The following KCTD16 variants were observed in gnomAD, a reference collection of about 807,000 sequenced individuals.
KCTD16 encodes the protein BTB/POZ domain-containing protein KCTD16.
A neutral mutation model predicts 33.2 loss-of-function variants in KCTD16; 13 were observed. That is an observed-to-expected ratio of 0.39 (90% CI 0.25 to 0.62). The LOEUF (loss-of-function observed/expected upper bound fraction) is 0.62, where lower values mean the gene tolerates loss of function less well. Ranked by LOEUF, KCTD16 falls within the 20% of genes least tolerant of loss-of-function variation. The pLI, the probability that KCTD16 is intolerant of heterozygous loss-of-function variation, is 0.50. For synonymous variants in KCTD16, 197 were observed against 195.3 expected, an observed-to-expected ratio of 1.01 and a Z score of -0.07; for missense variants, 441 against 525.1, an observed-to-expected ratio of 0.84 and a Z score of 1.57.
chr5:144,419,941 A>G (rs978665515), intron 3 of KCTD16, among the ~76,000 whole-genome samples: 1 of 152,176 alleles, frequency 6.6e-6, no homozygotes, highest in African/African-American at 2.4e-5. Context: ...AGCTCTCGGT[A>G]AGAAGTAACC....
chr5:144,254,198 C>T (rs865824810), intron 3 of KCTD16, among the ~76,000 whole-genome samples: 4 of 151,720 alleles, frequency 2.6e-5, no homozygotes, highest in Admixed American at 6.6e-5. Flanking sequence ...CGTGCAGTGG[C>T]GCGATCTCCG....
chr5:144,354,096 C>CAATTTCTA (rs1751514152), intron 3 of KCTD16, among the ~76,000 whole-genome samples: 1 of 151,934 alleles, frequency 6.6e-6, no homozygotes, highest in South Asian at 2.1e-4. Context: ...AATGATCTGC[C>CAATTTCTA]TGCTTAGAAA....
chr5:144,415,980 G>GT (rs1318168764), intron 3 of KCTD16, among the ~76,000 whole-genome samples: 23 of 152,164 alleles, frequency 1.5e-4, no homozygotes, highest in Admixed American at 6.5e-5. Context: ...TGATTACACA[G>GT]ATAATCTTAC....
At chr5:144,290,894 G>C (rs1755878595) in intron 3 of KCTD16, among the ~76,000 whole-genome samples, 1 of 152,094 alleles carries the variant, frequency 6.6e-6, no homozygotes, top group Non-Finnish European at 1.5e-5. Flanking sequence ...TAGTTATACA[G>C]AATTATAAGG....
chr5:144,261,570 G>C (rs1024387827), intron 3 of KCTD16, among the ~76,000 whole-genome samples: 1 of 152,186 alleles, frequency 6.6e-6, no homozygotes, highest in Non-Finnish European at 1.5e-5. Flanking sequence ...TCTCCATAGA[G>C]ATGGTTCAAT....
At chr5:144,448,610 C>T (rs1302510132) in intron 3 of KCTD16, among the ~76,000 whole-genome samples, 1 of 152,048 alleles carries the variant, frequency 6.6e-6, no homozygotes, top group Admixed American at 6.6e-5. Context: ...GGATTCTTAT[C>T]AGCAGTTGCA....
chr5:144,419,270 A>G (rs1212618362), intron 3 of KCTD16, among the ~76,000 whole-genome samples: 1 of 152,152 alleles, frequency 6.6e-6, no homozygotes, highest in Non-Finnish European at 1.5e-5. Flanking sequence ...AAAGGTTTAC[A>G]GTGGGCTTTG....
chr5:144,266,032 T>G (rs1187412898), intron 3 of KCTD16, among the ~76,000 whole-genome samples: 1 of 151,676 alleles, frequency 6.6e-6, no homozygotes, highest in Non-Finnish European at 1.5e-5. Flanking sequence ...AACATTACTT[T>G]TAAAAACATT....
intron 3 of KCTD16, among the ~76,000 whole-genome samples, chr5:144,319,532 T>C (rs1752019106): frequency 6.6e-6 from 1 of 152,222 alleles, no homozygotes; most frequent in African/African-American, 2.4e-5. Flanking sequence ...TAAATTACGT[T>C]GGAGCTTGCC....
At chr5:144,252,199 G>C (rs778579343) in intron 3 of KCTD16, among the ~76,000 whole-genome samples, 1 of 152,082 alleles carries the variant, frequency 6.6e-6, no homozygotes, top group African/African-American at 2.4e-5. Flanking sequence ...CTGTATATTA[G>C]ATCTCCAGAA....
intron 3 of KCTD16, among the ~76,000 whole-genome samples, chr5:144,298,128 G>A (rs531636926): frequency 3.6e-4 from 55 of 152,288 alleles, no homozygotes; most frequent in African/African-American, 1.3e-3. Flanking sequence ...ACTAGTCACT[G>A]GGTTCCACGG....
At chr5:144,254,603 T>C (rs954115007) in intron 3 of KCTD16, among the ~76,000 whole-genome samples, 3 of 152,192 alleles carry the variant, frequency 2.0e-5, no homozygotes, top group Admixed American at 1.3e-4. Flanking sequence ...ATGTTGTGCA[T>C]ACAATCTCTA....
In KCTD16 at chr5:144,207,139, C is replaced by T; in HGVS notation, c.425C>T (p.Ala142Val). 2 of 1,610,810 alleles carry T rather than the reference C, an allele frequency of 1.2e-6. No individual in the cohort carries two copies. Among genetic ancestry groups the T allele is most frequent in the Non-Finnish European group, 1.7e-6 (2 of 1,178,634 alleles). The change falls in exon 3 of 4, where the codon GCC becomes GTC. Residue 142 changes from alanine (A) to valine (V), a missense_variant. Transcript: ENST00000512467. ...TTCTGCCACAGTGACTTTGAAGATG[C>T]CTCCCAAGGAAGCGACACAAGAATC... ...DEFCHSDFED[A>V]SQGSDTRICP...
chr5:144,342,897 A>G (rs546521796), intron 3 of KCTD16, among the ~76,000 whole-genome samples: 7 of 152,262 alleles, frequency 4.6e-5, no homozygotes, highest in African/African-American at 9.6e-5. Flanking sequence ...ATTTGCATAT[A>G]TTGAACCAGC....
chr5:144,315,599 C>A (rs1039576611), intron 3 of KCTD16, among the ~76,000 whole-genome samples: 1 of 152,060 alleles, frequency 6.6e-6, no homozygotes, highest in Non-Finnish European at 1.5e-5. Context: ...TTTTCATATG[C>A]ATTAGCATAT....
At chr5:144,190,022 C>G (rs867944231) in intron 2 of KCTD16, among the ~76,000 whole-genome samples, 1 of 152,070 alleles carries the variant, frequency 6.6e-6, no homozygotes, top group Non-Finnish European at 1.5e-5. Context: ...GTAACCAGAC[C>G]CAGCGAGAGC....
At chr5:144,427,761 TC>T (rs945697922) in intron 3 of KCTD16, among the ~76,000 whole-genome samples, 1 of 152,138 alleles carries the variant, frequency 6.6e-6, no homozygotes, top group Admixed American at 6.6e-5. Flanking sequence ...TAGATTATAC[TC>T]CTGCAGCTAA....
At chr5:144,398,122 C>A (rs2126943880) in intron 3 of KCTD16, among the ~76,000 whole-genome samples, 1 of 152,242 alleles carries the variant, frequency 6.6e-6, no homozygotes, top group Admixed American at 6.5e-5. Flanking sequence ...ACTTAATGGA[C>A]TATATGGTGA....
Position 144,389,960 on chromosome 5 carries a change from G to A in KCTD16, c.833-83700G>A, listed in dbSNP as rs1752412635. 2.6e-5 allele frequency among the ~76,000 whole-genome samples: 4 copies of A among 152,170 alleles called. No individual in the cohort carries two copies. The South Asian group carries it at 6.2e-4, about 24-fold the overall frequency. On this transcript the variant is annotated intron_variant, in intron 3 of 3. Transcript: ENST00000512467. ...AGGAGCGATGACCTAATTAAAATTG[G>A]ATTCCAGCATGTAGACTGTCTCTGA...
Sources: gnomAD v4.1 joint callset for allele counts (sites outside exome capture counted in the v4.1 genomes callset) on GRCh38, gnomAD v4.1.1 for gene constraint, MANE v1.5 for transcripts, NCBI Gene and HGNC (gene_info 2026-07-23, HGNC 2026-07-21) for gene names.